The following LYPLAL1 variants were observed in gnomAD, a reference collection of about 807,000 sequenced individuals.
LYPLAL1 encodes the protein lysophospholipase-like protein 1.
Under a neutral mutation model 19.7 loss-of-function variants are expected in LYPLAL1, and 23 were observed. The ratio of observed to expected loss-of-function variants is 1.17; its 90% CI spans 0.84 to 1.65. LYPLAL1 has a LOEUF of 1.65. Among genes scored for constraint, LYPLAL1 ranks in the 40% most tolerant of loss-of-function variants. LYPLAL1 has a pLI of 0.00. For missense variants in LYPLAL1, 355 were observed against 279.4 expected (o/e 1.27, Z -1.93); for synonymous variants, 119 against 96.3 (o/e 1.24, Z -1.38).
At chr1:219,257,832 C>T in the LYPLAL1 span, among the ~76,000 whole-genome samples, 1 of 151,924 alleles carries the variant, frequency 6.6e-6, no homozygotes, top group Admixed American at 6.6e-5. Context: ...TGGGGTTTTT[C>T]CTCACCCTAG....
At chr1:219,362,885 T>A in the LYPLAL1 span, among the ~76,000 whole-genome samples, 2 of 152,146 alleles carry the variant, frequency 1.3e-5, no homozygotes, top group East Asian at 3.9e-4. Flanking sequence ...CAGGAAAATT[T>A]ATTCAAGAGG....
the LYPLAL1 span, among the ~76,000 whole-genome samples, chr1:219,423,742 T>C: frequency 6.6e-6 from 1 of 152,044 alleles, no homozygotes; most frequent in Non-Finnish European, 1.5e-5. Context: ...CAAATGAAAA[T>C]CTGAAGCTCA....
At chr1:219,242,042 A>C in the LYPLAL1 span, among the ~76,000 whole-genome samples, 1 of 152,236 alleles carries the variant, frequency 6.6e-6, no homozygotes, top group Non-Finnish European at 1.5e-5. Context: ...TCTATGATAA[A>C]ATTTAAAATA....
chr1:219,318,276 T>C, the LYPLAL1 span, among the ~76,000 whole-genome samples: 2 of 152,240 alleles, frequency 1.3e-5, no homozygotes, highest in South Asian at 4.1e-4. Context: ...TCTCCTTTTC[T>C]TACAAATAAC....
the LYPLAL1 span, among the ~76,000 whole-genome samples, chr1:219,396,677 A>T: frequency 2.3e-4 from 35 of 151,910 alleles, no homozygotes; most frequent in Non-Finnish European, 5.0e-4. Context: ...ATTTTACTTA[A>T]GTATGTGTGG....
At chr1:219,373,349 G>A in the LYPLAL1 span, among the ~76,000 whole-genome samples, 2 of 152,190 alleles carry the variant, frequency 1.3e-5, no homozygotes, top group African/African-American at 4.8e-5. Flanking sequence ...ATATTGAGTT[G>A]TCGGGGCTCA....
the LYPLAL1 span, among the ~76,000 whole-genome samples, chr1:219,384,289 G>C: frequency 6.6e-6 from 1 of 152,200 alleles, no homozygotes; most frequent in Non-Finnish European, 1.5e-5. Flanking sequence ...ACTGTTGAGA[G>C]GTGATACTCT....
At chr1:219,347,316 T>G in the LYPLAL1 span, among the ~76,000 whole-genome samples, 1 of 147,832 alleles carries the variant, frequency 6.8e-6, no homozygotes, top group East Asian at 2.0e-4. Flanking sequence ...TGAATGTTGA[T>G]CAGTGTTCTC....
At chr1:219,407,406 A>T in the LYPLAL1 span, among the ~76,000 whole-genome samples, 2 of 152,222 alleles carry the variant, frequency 1.3e-5, no homozygotes, top group Non-Finnish European at 2.9e-5. Flanking sequence ...GACCATATAT[A>T]GCAGGTACCA....
chr1:219,389,019 C>G, the LYPLAL1 span, among the ~76,000 whole-genome samples: 1 of 152,140 alleles, frequency 6.6e-6, no homozygotes, highest in Non-Finnish European at 1.5e-5. Context: ...TTTCTTTACA[C>G]ATTTAAAATA....
At chr1:219,341,428 TC>T in the LYPLAL1 span, among the ~76,000 whole-genome samples, 2 of 152,122 alleles carry the variant, frequency 1.3e-5, no homozygotes, top group African/African-American at 2.4e-5. Context: ...TGTGGGCTGT[TC>T]CATAAGCAAC....
chr1:219,336,872 A>C, the LYPLAL1 span, among the ~76,000 whole-genome samples: 1 of 151,960 alleles, frequency 6.6e-6, no homozygotes, highest in African/African-American at 2.4e-5. Flanking sequence ...GGACTGTATT[A>C]TTTTCCTAGG....
chr1:219,292,844 T>G, the LYPLAL1 span, among the ~76,000 whole-genome samples: 1 of 152,156 alleles, frequency 6.6e-6, no homozygotes, highest in Non-Finnish European at 1.5e-5. Flanking sequence ...GAAGAGCTAT[T>G]GAACTAGCCT....
the LYPLAL1 span, among the ~76,000 whole-genome samples, chr1:219,380,539 T>G: frequency 6.6e-6 from 1 of 152,248 alleles, no homozygotes; most frequent in Non-Finnish European, 1.5e-5. Flanking sequence ...TTCGAAGCTG[T>G]CAGCCAACTA....
At chr1:219,426,761 G>A in the LYPLAL1 span, among the ~76,000 whole-genome samples, 15 of 152,244 alleles carry the variant, frequency 9.9e-5, no homozygotes, top group African/African-American at 3.1e-4. Flanking sequence ...ACCACACCCA[G>A]CTAGTTTTTA....
intron 2 of LYPLAL1, among the ~76,000 whole-genome samples, chr1:219,191,224 T>G (rs987809210): frequency 6.6e-6 from 1 of 151,572 alleles, no homozygotes; most frequent in Non-Finnish European, 1.5e-5. Context: ...AGACAAAAAT[T>G]GTACCTTTTA....
At chr1:219,209,954 T>C (rs961599124) in intron 3 of LYPLAL1, among the ~76,000 whole-genome samples, 1 of 152,116 alleles carries the variant, frequency 6.6e-6, no homozygotes, top group East Asian at 1.9e-4. Flanking sequence ...AAACTACATA[T>C]AGGCATACAT....
At chr1:219,237,885 C>G in the LYPLAL1 span, among the ~76,000 whole-genome samples, 1 of 152,122 alleles carries the variant, frequency 6.6e-6, no homozygotes, top group Admixed American at 6.5e-5. Context: ...TAACTTTATC[C>G]CCAGCATCTA....
the LYPLAL1 span, among the ~76,000 whole-genome samples, chr1:219,266,719 G>C: frequency 6.6e-6 from 1 of 152,096 alleles, no homozygotes; most frequent in African/African-American, 2.4e-5. Context: ...GCATTATAAT[G>C]TTATAATGGC....
Sources: gnomAD v4.1 joint callset for allele counts (sites outside exome capture counted in the v4.1 genomes callset) on GRCh38, gnomAD v4.1.1 for gene constraint, MANE v1.5 for transcripts, NCBI Gene and HGNC (gene_info 2026-07-23, HGNC 2026-07-21) for gene names.